Variants in PKD2L2 observed in about 807,000 individuals in gnomAD.
PKD2L2 encodes the protein polycystin 2 like 2, transient receptor potential cation channel, also known as polycystin-2-like protein 2.
PKD2L2 carries 67 observed loss-of-function variants against 83.9 expected under a neutral mutation model. That is an observed-to-expected ratio of 0.80 (90% CI 0.66 to 0.98). The LOEUF is 0.98. Ranked by LOEUF, PKD2L2 falls within the 50% of genes least tolerant of loss-of-function variation. PKD2L2 has a pLI of 0.00. For synonymous variants in PKD2L2, 223 were observed against 237.8 expected, an observed-to-expected ratio of 0.94 and a Z score of 0.57; for missense variants, 632 against 717.2, an observed-to-expected ratio of 0.88 and a Z score of 1.36.
chr5:137,910,311 T>C (rs1023098967), intron 8 of PKD2L2, among the ~76,000 whole-genome samples: 2 of 151,052 alleles, frequency 1.3e-5, no homozygotes, highest in Admixed American at 1.3e-4. Flanking sequence ...ACAGATGTAA[T>C]AATTTACAGA....
chr5:137,890,479 A>C lies in PKD2L2; in HGVS notation c.32-2A>C. ...AGAAAAATTTTGTCTTATATCTCAC[A>C]GGGGCTTCGAAACATAAGTTGCATT... On this transcript the variant is annotated splice_acceptor_variant, in intron 1 of 14. Transcript: ENST00000508883. LOFTEE classifies it high-confidence loss of function. The C allele has an allele frequency of 6.5e-7, 1 of 1,548,478 alleles. No individual in the cohort carries two copies. Among genetic ancestry groups the C allele is most frequent in the Non-Finnish European group, 8.8e-7 (1 of 1,138,036 alleles).
rs200294942 is a variant in PKD2L2 at position 137,928,897 on chromosome 5, AT to A, written c.1671+2976del. Among the ~76,000 whole-genome samples the A allele has an allele frequency of 7.6e-3, 1,162 of 151,968 alleles. 10 individuals carry two copies. The highest frequency in any genetic ancestry group is 0.012 in the Non-Finnish European group (819 of 67,948). On this transcript the variant is annotated intron_variant, in intron 12 of 14. Coordinates refer to ENST00000508883, the MANE Select transcript of PKD2L2 (RefSeq NM_001300921.2). ...CCCTATTTTATTGATTTTAAAACAC[AT>A]TTTTTTTCACATTTTAACATCTGTG...
At chr5:137,918,843 T>C (rs1758615850) in intron 8 of PKD2L2, among the ~76,000 whole-genome samples, 1 of 76,966 alleles carries the variant, frequency 1.3e-5, no homozygotes, top group South Asian at 7.3e-4. Context: ...CTTCCAAGAA[T>C]CTTTTTTTTT....
chr5:137,908,297 AAAG>A (rs1332893466), intron 7 of PKD2L2, among the ~76,000 whole-genome samples: 1 of 151,962 alleles, frequency 6.6e-6, no homozygotes, highest in Non-Finnish European at 1.5e-5. Flanking sequence ...GACAGAAAAA[AAAG>A]AAGTTGGCCA....
chr5:137,921,637 T>G lies in PKD2L2; in HGVS notation c.1330T>G (p.Phe444Val). 8.9e-6 allele frequency: 14 copies of G among 1,579,018 alleles called. No individual in the cohort carries two copies. The highest frequency in any genetic ancestry group is 1.2e-5 in the Non-Finnish European group (14 of 1,155,680). The change falls in exon 9 of 15, where the codon TTT (phenylalanine) becomes GTT (valine). Residue 444 changes from phenylalanine (F) to valine (V), a missense_variant and splice_region_variant. Physicochemically the swap from Phe to Val is conservative, Grantham distance 50. Transcript: ENST00000508883. ...TTCTACTGTTTTTCTTTCTTAAAGA[T>G]TTGCACAATTTCGAATTGTTCTTGG... ...DDFSTFQNSI[F>V]AQFRIVLGDF...
intron 4 of PKD2L2, among the ~76,000 whole-genome samples, chr5:137,896,406 CTTTG>C (rs1187341360): frequency 6.6e-6 from 1 of 151,876 alleles, no homozygotes; most frequent in Admixed American, 6.6e-5. Context: ...TGTGTTTTGG[CTTTG>C]TTTTTGTTTT....
Position 137,923,166 on chromosome 5 carries a change from C to T in PKD2L2, c.1450-254C>T, listed in dbSNP as rs1401241521. The stretch of plus-strand genomic sequence containing the variant: ...GAGTAGCTGGGACTACAGGTGTGCA[C>T]CACCACGCCTGGCTAATTTTTGTAT... On this transcript the variant is annotated intron_variant, in intron 9 of 14. Transcript: ENST00000508883. 2.6e-5 allele frequency among the ~76,000 whole-genome samples: 4 copies of T among 152,092 alleles called. No homozygotes were observed. The East Asian group carries it at 7.7e-4, about 29-fold the overall frequency.
At chr5:137,933,586 C>T (rs1185510043) in intron 12 of PKD2L2, among the ~76,000 whole-genome samples, 1 of 152,192 alleles carries the variant, frequency 6.6e-6, no homozygotes, top group Non-Finnish European at 1.5e-5. Flanking sequence ...ACTTCCTTCT[C>T]CTACCCATTC....
intron 12 of PKD2L2, among the ~76,000 whole-genome samples, chr5:137,928,986 A>G (rs1287748673): frequency 6.6e-6 from 1 of 152,252 alleles, no homozygotes; most frequent in Non-Finnish European, 1.5e-5. Flanking sequence ...CCTAAGTGGT[A>G]CATGAAATAA....
At chr5:137,902,369 T>C (rs1030030456) in intron 5 of PKD2L2, among the ~76,000 whole-genome samples, 2 of 152,096 alleles carry the variant, frequency 1.3e-5, no homozygotes, top group Non-Finnish European at 2.9e-5. Flanking sequence ...CCTGCCTCTC[T>C]TTCTACCTCC....
chr5:137,918,969 AGTGTGTGTGTGT>A (rs759318916), intron 8 of PKD2L2, among the ~76,000 whole-genome samples: 1 of 131,690 alleles, frequency 7.6e-6, no homozygotes, highest in Admixed American at 8.2e-5. Flanking sequence ...TGTGTGTGTG[AGTGTGTGTGTGT>A]GTGTGTAGGG....
At chr5:137,935,738 C>T (rs1324388654) in intron 12 of PKD2L2, 59 bp from the exon 13 acceptor site, 11 of 897,924 alleles carry the variant, frequency 1.2e-5, no homozygotes, top group African/African-American at 6.6e-5. Flanking sequence ...GCTTGTGTGC[C>T]AAAGACTTGA....
chr5:137,889,686 T>C (rs916776416), intron 1 of PKD2L2, among the ~76,000 whole-genome samples, 164 bp downstream of exon 1: 2 of 152,228 alleles, frequency 1.3e-5, no homozygotes, highest in Non-Finnish European at 2.9e-5. Context: ...GATGGTCCCA[T>C]TGCACAGACG....
At chr5:137,933,127 A>G (rs1301953875) in intron 12 of PKD2L2, among the ~76,000 whole-genome samples, 3 of 151,934 alleles carry the variant, frequency 2.0e-5, no homozygotes, top group African/African-American at 7.2e-5. Context: ...GAATCCAGGT[A>G]TTAACAGTTT....
intron 8 of PKD2L2, among the ~76,000 whole-genome samples, chr5:137,920,759 A>AG (rs1358154515): frequency 6.6e-6 from 1 of 151,376 alleles, no homozygotes; most frequent in Non-Finnish European, 1.5e-5. Context: ...CTCCATCTAA[A>AG]AAAAAAAAAA....
rs72801620 is a variant in PKD2L2 at position 137,899,399 on chromosome 5, G to A, written c.525-117G>A. 6.2e-3 allele frequency: 4,260 copies of A among 683,404 alleles called. 21 individuals are homozygous for A. Among genetic ancestry groups the A allele is most frequent in the Non-Finnish European group, 8.1e-3 (3,215 of 394,940 alleles). The allele number at this position is 683,404 out of a possible 1,614,324, so 42.3% of individuals were successfully genotyped here. A position where few individuals can be genotyped will look rare whatever the true frequency, so the allele number is the denominator to read the frequency against. On this transcript the variant is annotated intron_variant, in intron 4 of 14. Transcript: ENST00000508883. Reference sequence around the variant, plus strand: ...CCCAAAGTGTTGGGATTACAGGCATGAGCCAGCGCACTTGGCCAAAAAACT... The same window carrying A: ...CCCAAAGTGTTGGGATTACAGGCATAAGCCAGCGCACTTGGCCAAAAAACT...
At position 137,892,595 on chromosome 5, in the gene PKD2L2, C is replaced by T. The variant is rs1580882893; in HGVS notation, c.249C>T (p.Ser83=). The T allele has an allele frequency of 6.2e-7, 1 of 1,611,142 alleles. No individual in the cohort carries two copies. The highest frequency in any genetic ancestry group is 1.7e-5 in the Admixed American group (1 of 59,344). Residue 83 remains serine (S), a synonymous_variant, in exon 3 of 15, where the codon AGC becomes AGT. Coordinates refer to ENST00000508883, the MANE Select transcript of PKD2L2 (RefSeq NM_001300921.2). ...GAACCAACTTTAAGTCCATTCGCAG[C>T]ATAACTGATTTTTGGAAGGTAAAGT... ...EERTNFKSIR[S]ITDFWKFMEG... is the part of the protein sequence containing the mutation.
chr5:137,935,812 GAGC>G lies in PKD2L2; in HGVS notation c.1690_1692del (p.Gln564del). 6.2e-7 allele frequency: 1 copy of G among 1,600,838 alleles called. No individual in the cohort carries two copies. The highest frequency in any genetic ancestry group is 8.6e-7 in the Non-Finnish European group (1 of 1,168,136). On this transcript the variant is annotated inframe_deletion, in exon 13 of 15. Transcript: ENST00000508883. ...ACCCTGACAGGAGATTCAAAACGCA[GAGC>G]AGATGAAAAAATGGAAAGAGAGGCT...
At chr5:137,892,850 G>A (rs764382611) in intron 3 of PKD2L2, among the ~76,000 whole-genome samples, 1 of 152,172 alleles carries the variant, frequency 6.6e-6, no homozygotes, top group African/African-American at 2.4e-5. Flanking sequence ...GCTCATGCCT[G>A]TAATCCCAGT....
Sources: allele counts gnomAD v4.1 joint callset (sites outside exome capture counted in the v4.1 genomes callset), GRCh38; gene constraint gnomAD v4.1.1; transcripts MANE v1.5; gene names NCBI Gene and HGNC (gene_info 2026-07-23, HGNC 2026-07-21).